MEIS1: variants seen among roughly 807,000 people sequenced by gnomAD.
The protein encoded by MEIS1 is homeobox protein Meis1.
MEIS1 carries 5 observed loss-of-function variants against 50.8 expected under a neutral mutation model. The ratio of observed to expected loss-of-function variants is 0.10; its 90% CI spans 0.05 to 0.21. MEIS1 has a LOEUF of 0.21. Ranked by LOEUF, MEIS1 falls within the 10% of genes least tolerant of loss-of-function variation. MEIS1 has a pLI of 1.00. For synonymous variants in MEIS1, 176 were observed against 179.3 expected, an observed-to-expected ratio of 0.98 and a Z score of 0.15; for missense variants, 318 against 517.3, an observed-to-expected ratio of 0.61 and a Z score of 3.74.
intron 7 of MEIS1, among the ~76,000 whole-genome samples, chr2:66,509,632 A>G (rs1673775532): frequency 1.3e-5 from 2 of 152,220 alleles, no homozygotes; most frequent in African/African-American, 2.4e-5. Flanking sequence ...CTTCACTTAA[A>G]AAATTCTGTT....
chr2:66,567,550 C>A (rs531199850), intron 10 of MEIS1, 39 bp downstream of exon 10: 1 of 1,599,482 alleles, frequency 6.3e-7, no homozygotes, highest in Non-Finnish European at 8.6e-7. Flanking sequence ...GTCACGCAAG[C>A]GAAAACCATC....
rs572921703 is a variant in MEIS1, at chr2:66,456,038, G to A, written c.631-8071G>A. On this transcript the variant is annotated intron_variant, in intron 6 of 12. Coordinates refer to ENST00000272369, the MANE Select transcript of MEIS1 (RefSeq NM_002398.3). ...TACTCCTTGGAGAATTTTCACCAAAGGCAAGAAAGCACAAAAATTCTTTTC... is the reference window on the plus strand; with the variant it reads ...TACTCCTTGGAGAATTTTCACCAAAAGCAAGAAAGCACAAAAATTCTTTTC... 3.9e-5 allele frequency among the ~76,000 whole-genome samples: 6 copies of A among 152,100 alleles called. No homozygotes were observed. The East Asian group carries it at 9.7e-4, about 25-fold the overall frequency.
At chr2:66,468,188 C>T (rs980982398) in intron 7 of MEIS1, among the ~76,000 whole-genome samples, 6 of 152,074 alleles carry the variant, frequency 3.9e-5, no homozygotes, top group African/African-American at 1.4e-4. Context: ...GTGTGGCTTT[C>T]GTGTGTCTTT....
rs147522002 is a variant in MEIS1 at position 66,473,997 on chromosome 2, T to A, written c.742+9777T>A. On this transcript the variant is annotated intron_variant, in intron 7 of 12. Coordinates refer to ENST00000272369, the MANE Select transcript of MEIS1 (RefSeq NM_002398.3). Reference sequence around the variant, plus strand: ...AGATTACTTATAATACCTGGTACAATGTACATGCTTTGCAAATAGTTGTTA... The same window carrying A: ...AGATTACTTATAATACCTGGTACAAAGTACATGCTTTGCAAATAGTTGTTA... Among the ~76,000 whole-genome samples, 630 of 152,336 alleles carry A rather than the reference T, an allele frequency of 4.1e-3. 6 individuals carry two copies. Among genetic ancestry groups the A allele is most frequent in the African/African-American group, 0.014 (601 of 41,578 alleles).
At chr2:66,468,691 T>C (rs1335474478) in intron 7 of MEIS1, among the ~76,000 whole-genome samples, 2 of 152,176 alleles carry the variant, frequency 1.3e-5, no homozygotes, top group Non-Finnish European at 2.9e-5. Flanking sequence ...ACAGACATTC[T>C]TTCTGTTAGC....
At chr2:66,436,763 C>G in intron 1 of MEIS1, 5 of 481,374 alleles carry the variant, frequency 1.0e-5, no homozygotes, top group African/African-American at 2.1e-5. Context: ...TCATTTCACT[C>G]TCAGCGCCTC....
chr2:66,517,828 C>A (rs1674007222), intron 8 of MEIS1, among the ~76,000 whole-genome samples: 1 of 152,084 alleles, frequency 6.6e-6, no homozygotes, highest in Non-Finnish European at 1.5e-5. Context: ...GGGGCAACTG[C>A]CTTTTTCTTT....
intron 9 of MEIS1, among the ~76,000 whole-genome samples, chr2:66,554,414 G>A (rs191691522): frequency 6.6e-6 from 1 of 152,292 alleles, no homozygotes; most frequent in African/African-American, 2.4e-5. Flanking sequence ...CCCTGGAGAG[G>A]GCATAGGGAT....
chr2:66,454,456 CA>C (rs1438814577), intron 6 of MEIS1, among the ~76,000 whole-genome samples: 1 of 151,970 alleles, frequency 6.6e-6, no homozygotes, highest in Non-Finnish European at 1.5e-5. Context: ...GGGTAAAATT[CA>C]AATAACAGTT....
intron 7 of MEIS1, among the ~76,000 whole-genome samples, chr2:66,498,033 G>A (rs185360685): frequency 1.3e-5 from 2 of 151,770 alleles, no homozygotes; most frequent in African/African-American, 2.4e-5. Context: ...AAAATGGTAT[G>A]CCATGTTAGG....
intron 8 of MEIS1, among the ~76,000 whole-genome samples, chr2:66,514,991 T>C (rs1405111695): frequency 6.6e-6 from 1 of 152,216 alleles, no homozygotes; most frequent in African/African-American, 2.4e-5. Context: ...CACTGACATC[T>C]CAGTACTAAT....
chr2:66,529,368 G>C (rs542611081), intron 8 of MEIS1, among the ~76,000 whole-genome samples: 5 of 152,144 alleles, frequency 3.3e-5, no homozygotes, highest in African/African-American at 1.2e-4. Context: ...AAGTAGAAAG[G>C]CTGGAAAAGA....
intron 7 of MEIS1, among the ~76,000 whole-genome samples, chr2:66,498,863 T>G (rs1673477842): frequency 6.6e-6 from 1 of 152,204 alleles, no homozygotes; most frequent in South Asian, 2.1e-4. Context: ...ATGCAGAATC[T>G]CAAGCTCCTC....
At chr2:66,530,443 G>C (rs1014266726) in intron 8 of MEIS1, among the ~76,000 whole-genome samples, 2 of 151,076 alleles carry the variant, frequency 1.3e-5, no homozygotes, top group Non-Finnish European at 1.5e-5. Flanking sequence ...GGCCGGGTAC[G>C]GTGGCTCACG....
intron 3 of MEIS1, 38 bp downstream of exon 3, chr2:66,440,022 AAGAG>A: frequency 1.3e-6 from 2 of 1,559,398 alleles, no homozygotes; most frequent in Non-Finnish European, 8.7e-7. Flanking sequence ...AAGAAACAAA[AAGAG>A]AGCCCCCCCT....
chr2:66,517,658 C>T (rs553564527), intron 8 of MEIS1, among the ~76,000 whole-genome samples: 53 of 152,216 alleles, frequency 3.5e-4, no homozygotes, highest in African/African-American at 1.1e-3. Flanking sequence ...TAGATAAGGA[C>T]CCTGACTATT....
chr2:66,447,118 G>T (rs559268385), intron 6 of MEIS1, among the ~76,000 whole-genome samples: 1 of 152,312 alleles, frequency 6.6e-6, no homozygotes, highest in East Asian at 1.9e-4. Flanking sequence ...GCATGGATGG[G>T]ATCTGCTGCT....
intron 8 of MEIS1, among the ~76,000 whole-genome samples, chr2:66,522,517 T>C (rs1226948433): frequency 6.6e-6 from 1 of 152,206 alleles, no homozygotes; most frequent in Non-Finnish European, 1.5e-5. Flanking sequence ...CGTGTCTGGC[T>C]CATTGGCAGG....
rs1316793613 is a variant in MEIS1, at chr2:66,440,427, G to C, written c.382-135G>C. On this transcript the variant is annotated intron_variant, in intron 3 of 12. Coordinates refer to ENST00000272369, the MANE Select transcript of MEIS1 (RefSeq NM_002398.3). Reference sequence around the variant, plus strand: ...TGCGCGGGACGAACTCGGTGTCACCGGGTCCCTCCCGGAGGGTTACTTCCT... The same window carrying C: ...TGCGCGGGACGAACTCGGTGTCACCCGGTCCCTCCCGGAGGGTTACTTCCT... The C allele has an allele frequency of 6.7e-6, 5 of 748,386 alleles. No individual in the cohort carries two copies. In the African/African-American group the frequency reaches 8.8e-5, roughly 13 times the overall value. The allele number at this position is 748,386 out of a possible 1,614,324, so 46.4% of individuals were successfully genotyped here. A position where few individuals can be genotyped will look rare whatever the true frequency, so the allele number is the denominator to read the frequency against.
Sources: gnomAD v4.1 joint callset for allele counts (sites outside exome capture counted in the v4.1 genomes callset) on GRCh38, gnomAD v4.1.1 for gene constraint, MANE v1.5 for transcripts, NCBI Gene and HGNC (gene_info 2026-07-23, HGNC 2026-07-21) for gene names.